The following MID1IP1 variants were observed in gnomAD, a reference collection of about 807,000 sequenced individuals.
The protein encoded by MID1IP1 is mid1-interacting protein 1.
A neutral mutation model predicts 6.8 loss-of-function variants in MID1IP1; 3 were observed. The observed-to-expected ratio is 0.44, with a 90% CI of 0.20 to 1.14. MID1IP1 has a LOEUF of 1.14. Ranked by LOEUF, MID1IP1 falls within the 50% of genes most tolerant of loss-of-function variation. The pLI, the probability that MID1IP1 is intolerant of heterozygous loss-of-function variation, is 0.26. For missense variants in MID1IP1, 127 were observed against 158.4 expected (o/e 0.80, Z 1.06); for synonymous variants, 87 against 70.4 (o/e 1.24, Z -1.18).
rs775387928 is a variant in MID1IP1, at chrX:38,804,908, G to C, written c.-39G>C. 18 of 1,149,045 alleles carry C rather than the reference G, an allele frequency of 1.6e-5. No individual in the cohort carries two copies. The highest frequency in any genetic ancestry group is 1.2e-6 in the Non-Finnish European group (1 of 860,619). 94.7% of individuals were successfully genotyped at this position (1,149,045 alleles called of 1,213,427 possible). The stretch of plus-strand genomic sequence containing the variant: ...CCTTGACCCGGCCGACCATCCCCGT[G>C]CCCCTGCGTCCCTGCGCTCCAACGT... On this transcript the variant is annotated 5_prime_UTR_variant, in exon 3 of 3. Transcript: ENST00000614558.
Position 38,804,687 on chromosome X carries a change from G to A in MID1IP1, c.-260G>A. On this transcript the variant is annotated 5_prime_UTR_variant, in exon 3 of 3. Transcript: ENST00000614558. ...TCGTCTCCGTGTATCAAACAGGCCA[G>A]GGCTCGACCCACAGAGCACCCTCAG... is the stretch of plus-strand genomic sequence containing the variant. 2 of 371,149 alleles carry A rather than the reference G, an allele frequency of 5.4e-6. No homozygotes were observed. The highest frequency in any genetic ancestry group is 9.4e-6 in the Non-Finnish European group (2 of 212,662). 30.6% of individuals were successfully genotyped at this position (371,149 alleles called of 1,213,427 possible). A position where few individuals can be genotyped will look rare whatever the true frequency, so the allele number is the denominator to read the frequency against.
At position 38,803,536 on chromosome X, in the gene MID1IP1, T is replaced by A. The variant is rs1463194225; in HGVS notation, c.-1142T>A. 1.8e-5 allele frequency: 2 copies of A among 112,527 alleles called. No homozygotes were observed. Among genetic ancestry groups the A allele is most frequent in the Non-Finnish European group, 3.8e-5 (2 of 53,260 alleles). The allele number at this position is 112,527 out of a possible 1,213,427, so 9.3% of individuals were successfully genotyped here. A position where few individuals can be genotyped will look rare whatever the true frequency, so the allele number is the denominator to read the frequency against. ...CAGCAGATCTGATAGTGTGCCCCTC[T>A]TCATCCCCGGCAACCACTGTTAAAG... On this transcript the variant is annotated 5_prime_UTR_variant, in exon 2 of 3. Coordinates refer to ENST00000614558, the MANE Select transcript of MID1IP1 (RefSeq NM_021242.6).
Position 38,805,547 on chromosome X carries a change from T to A in MID1IP1, c.*49T>A. 2.0e-6 allele frequency: 2 copies of A among 994,256 alleles called. No individual in the cohort carries two copies. The highest frequency in any genetic ancestry group is 2.8e-6 in the Non-Finnish European group (2 of 726,511). 81.9% of individuals were successfully genotyped at this position (994,256 alleles called of 1,213,427 possible). A position where few individuals can be genotyped will look rare whatever the true frequency, so the allele number is the denominator to read the frequency against. On this transcript the variant is annotated 3_prime_UTR_variant, in exon 3 of 3. Coordinates refer to ENST00000614558, the MANE Select transcript of MID1IP1 (RefSeq NM_021242.6). Reference sequence around the variant, plus strand: ...GCACCTTCTTCGACCCATCTCACCCTCTCTCATTCCTCAAAGCTTTTTTTT... The same window carrying A: ...GCACCTTCTTCGACCCATCTCACCCACTCTCATTCCTCAAAGCTTTTTTTT...
chrX:38,804,536 G>T (rs2070493662), intron 2 of MID1IP1, 123 bp downstream of exon 2: 1 of 129,593 alleles, frequency 7.7e-6, no homozygotes, highest in African/African-American at 3.1e-5. Context: ...TGGGCGAGGA[G>T]GTGGGACTGC....
chrX:38,804,866 CG>C lies in MID1IP1; in HGVS notation c.-80del. 1.9e-6 allele frequency: 2 copies of C among 1,034,237 alleles called. No individual in the cohort carries two copies. The highest frequency in any genetic ancestry group is 2.6e-6 in the Non-Finnish European group (2 of 771,797). 85.2% of individuals were successfully genotyped at this position (1,034,237 alleles called of 1,213,427 possible). A position where few individuals can be genotyped will look rare whatever the true frequency, so the allele number is the denominator to read the frequency against. ...CCCCCAGCGCGGGCCTTGGAGAGCG[CG>C]TGAAGGCGGGCATCCCCTTGACCCG... On this transcript the variant is annotated 5_prime_UTR_variant, in exon 3 of 3. Coordinates refer to ENST00000614558, the MANE Select transcript of MID1IP1 (RefSeq NM_021242.6).
Position 38,805,559 on chromosome X carries a change from C to G in MID1IP1, c.*61C>G. On this transcript the variant is annotated 3_prime_UTR_variant, in exon 3 of 3. Transcript: ENST00000614558. ...ACCCATCTCACCCTCTCTCATTCCT[C>G]AAAGCTTTTTTTTTTTTTCCTGGCT... 1 of 954,877 alleles carries G rather than the reference C, an allele frequency of 1.0e-6. No homozygotes were observed. The highest frequency in any genetic ancestry group is 1.4e-6 in the Non-Finnish European group (1 of 690,030). 78.7% of individuals were successfully genotyped at this position (954,877 alleles called of 1,213,427 possible). A position where few individuals can be genotyped will look rare whatever the true frequency, so the allele number is the denominator to read the frequency against.
chrX:38,805,824 A>C lies in MID1IP1; in HGVS notation c.*326A>C, dbSNP rs1388242604. ...GTTTCTTTTCTGTTCTTTTCGGAGG[A>C]GAGGGCCCGAGAAGGGGCCATACCA... is the stretch of plus-strand genomic sequence containing the variant. On this transcript the variant is annotated 3_prime_UTR_variant, in exon 3 of 3. Transcript: ENST00000614558. 3.9e-6 allele frequency: 1 copy of C among 256,074 alleles called. No individual in the cohort carries two copies. Among genetic ancestry groups the C allele is most frequent in the Non-Finnish European group, 7.2e-6 (1 of 139,443 alleles). The allele number at this position is 256,074 out of a possible 1,213,427, so 21.1% of individuals were successfully genotyped here.
rs954473663 is a variant in MID1IP1, at chrX:38,805,832, C to T, written c.*334C>T. 22 of 245,397 alleles carry T rather than the reference C, an allele frequency of 9.0e-5. No homozygotes were observed. The highest frequency in any genetic ancestry group is 1.3e-3 in the Middle Eastern group (1 of 758). 20.2% of individuals were successfully genotyped at this position (245,397 alleles called of 1,213,427 possible). A position where few individuals can be genotyped will look rare whatever the true frequency, so the allele number is the denominator to read the frequency against. Reference sequence around the variant, plus strand: ...TCTGTTCTTTTCGGAGGAGAGGGCCCGAGAAGGGGCCATACCAGGGCGCGG... The same window carrying T: ...TCTGTTCTTTTCGGAGGAGAGGGCCTGAGAAGGGGCCATACCAGGGCGCGG... On this transcript the variant is annotated 3_prime_UTR_variant, in exon 3 of 3. Coordinates refer to ENST00000614558, the MANE Select transcript of MID1IP1 (RefSeq NM_021242.6).
At position 38,804,746 on chromosome X, in the gene MID1IP1, A is replaced by T; in HGVS notation, c.-201A>T. 2.4e-6 allele frequency: 1 copy of T among 419,507 alleles called. No homozygotes were observed. The highest frequency in any genetic ancestry group is 4.0e-6 in the Non-Finnish European group (1 of 248,895). The allele number at this position is 419,507 out of a possible 1,213,427, so 34.6% of individuals were successfully genotyped here. ...AGTTTCCGGGCGCCAAAGCCAGGAG[A>T]AGCCGCCCATCCCGCAGGGCCGGTC... On this transcript the variant is annotated 5_prime_UTR_variant, in exon 3 of 3. Coordinates refer to ENST00000614558, the MANE Select transcript of MID1IP1 (RefSeq NM_021242.6).
rs765669513 is a variant in MID1IP1, at chrX:38,805,357, C to A, written c.411C>A (p.Asp137Glu). Residue 137 changes from aspartate to glutamate, a missense_variant, in exon 3 of 3, where the codon GAC becomes GAA. Asp to Glu is a conservative substitution (Grantham distance 45, BLOSUM62 2). Coordinates refer to ENST00000614558, the MANE Select transcript of MID1IP1 (RefSeq NM_021242.6). Reference sequence around the variant, plus strand: ...ACCTGGGCCACTTGGAGGGTGCGGACGCCGGCGAAGAAGACCTGGAACAGC... The same window carrying A: ...ACCTGGGCCACTTGGAGGGTGCGGAAGCCGGCGAAGAAGACCTGGAACAGC... ...LVDLGHLEGA[D>E]AGEEDLEQQF... 2.5e-6 allele frequency: 3 copies of A among 1,208,735 alleles called. No homozygotes were observed. In the East Asian group the frequency reaches 8.9e-5, roughly 36 times the overall value.
chrX:38,803,187 G>A lies in MID1IP1; in HGVS notation c.-1491G>A, dbSNP rs751410466. 9 of 112,990 alleles carry A rather than the reference G, an allele frequency of 8.0e-5. No homozygotes were observed. The highest frequency in any genetic ancestry group is 5.6e-4 in the Admixed American group (6 of 10,804). 9.3% of individuals were successfully genotyped at this position (112,990 alleles called of 1,213,427 possible). On this transcript the variant is annotated 5_prime_UTR_variant, in exon 2 of 3. In the 5' UTR this introduces an upstream ATG that the reference lacks. Coordinates refer to ENST00000614558, the MANE Select transcript of MID1IP1 (RefSeq NM_021242.6). ...TAGGCTGTGGTTTGGAAGTCTCAAA[G>A]TGAAATTCAAGGTGCAAGGCTCTTA...
In MID1IP1 at chrX:38,804,789, T is replaced by G; in HGVS notation, c.-158T>G. 1.9e-6 allele frequency: 1 copy of G among 529,769 alleles called. No individual in the cohort carries two copies. The highest frequency in any genetic ancestry group is 2.9e-6 in the Non-Finnish European group (1 of 349,983). 43.7% of individuals were successfully genotyped at this position (529,769 alleles called of 1,213,427 possible). A position where few individuals can be genotyped will look rare whatever the true frequency, so the allele number is the denominator to read the frequency against. ...GGCCGGTCTGCCAGCGAGACGAGAG[T>G]TGGCGAGGGCGGAGGAGTGCCGGGA... On this transcript the variant is annotated 5_prime_UTR_variant, in exon 3 of 3. Coordinates refer to ENST00000614558, the MANE Select transcript of MID1IP1 (RefSeq NM_021242.6).
In MID1IP1 at chrX:38,805,321, C is replaced by T. The variant is rs762482591; in HGVS notation, c.375C>T (p.Asp125=). The T allele has an allele frequency of 8.3e-7, 1 of 1,208,724 alleles. No homozygotes were observed. Among genetic ancestry groups the T allele is most frequent in the Admixed American group, 2.2e-5 (1 of 45,831 alleles). ...SEEGSAWKSK[D]ILVDLGHLEG... is the part of the protein sequence containing the mutation. ...AGGGCAGTGCCTGGAAGTCCAAGGA[C>T]ATCCTGGTGGACCTGGGCCACTTGG... The change falls in exon 3 of 3, where the codon GAC becomes GAT. Residue 125 remains aspartate (D), a synonymous_variant. Coordinates refer to ENST00000614558, the MANE Select transcript of MID1IP1 (RefSeq NM_021242.6).
chrX:38,804,107 G>T lies in MID1IP1; in HGVS notation c.-571G>T, dbSNP rs1254099301. On this transcript the variant is annotated 5_prime_UTR_variant, in exon 2 of 3. Coordinates refer to ENST00000614558, the MANE Select transcript of MID1IP1 (RefSeq NM_021242.6). ...TCAGGCGAGAGGCGGAGCTGGCCCG[G>T]CGCGCCCCGCCCCCGCTGTAGAAAG... 8.8e-6 allele frequency: 1 copy of T among 113,341 alleles called. No homozygotes were observed. Among genetic ancestry groups the T allele is most frequent in the Non-Finnish European group, 1.9e-5 (1 of 53,666 alleles). The allele number at this position is 113,341 out of a possible 1,213,427, so 9.3% of individuals were successfully genotyped here.
Position 38,805,652 on chromosome X carries a change from T to A in MID1IP1, c.*154T>A. 1 of 493,810 alleles carries A rather than the reference T, an allele frequency of 2.0e-6. No homozygotes were observed. The highest frequency in any genetic ancestry group is 3.3e-6 in the Non-Finnish European group (1 of 301,731). The allele number at this position is 493,810 out of a possible 1,213,427, so 40.7% of individuals were successfully genotyped here. Reference sequence around the variant, plus strand: ...GTGCAGGAGGCGCGGTGGGGCTGCGTGGAGGAGGGGGCCACGTGTGAGAGA... The same window carrying A: ...GTGCAGGAGGCGCGGTGGGGCTGCGAGGAGGAGGGGGCCACGTGTGAGAGA... On this transcript the variant is annotated 3_prime_UTR_variant, in exon 3 of 3. Coordinates refer to ENST00000614558, the MANE Select transcript of MID1IP1 (RefSeq NM_021242.6).
rs1170481880 is a variant in MID1IP1 at position 38,805,094 on chromosome X, A to G, written c.148A>G (p.Asn50Asp). 5 of 1,209,950 alleles carry G rather than the reference A, an allele frequency of 4.1e-6. No homozygotes were observed. The highest frequency in any genetic ancestry group is 5.6e-6 in the Non-Finnish European group (5 of 894,920). Residue 50 changes from asparagine to aspartate, a missense_variant, in exon 3 of 3, where the codon AAC becomes GAC. By Grantham distance (23) the Asn-to-Asp change is conservative. Transcript: ENST00000614558. ...GCCCCTGGCTGACCCCGGGTTAGACAACGATGTTGGCGTGGAGGTAGGCGG... is the reference window on the plus strand; with the variant it reads ...GCCCCTGGCTGACCCCGGGTTAGACGACGATGTTGGCGTGGAGGTAGGCGG... ...DVPLADPGLD[N>D]DVGVEVGGSG...
rs995861040 is a variant in MID1IP1, at chrX:38,805,811, T to C, written c.*313T>C. On this transcript the variant is annotated 3_prime_UTR_variant, in exon 3 of 3. Coordinates refer to ENST00000614558, the MANE Select transcript of MID1IP1 (RefSeq NM_021242.6). ...TGCCTTTCCTGGGGTTTCTTTTCTG[T>C]TCTTTTCGGAGGAGAGGGCCCGAGA... 1.1e-4 allele frequency: 32 copies of C among 292,198 alleles called. No individual in the cohort carries two copies. The highest frequency in any genetic ancestry group is 8.4e-4 in the African/African-American group (30 of 35,890). 24.1% of individuals were successfully genotyped at this position (292,198 alleles called of 1,213,427 possible).
At position 38,806,383 on chromosome X, in the gene MID1IP1, A is replaced by C. The variant is rs1237300132; in HGVS notation, c.*885A>C. 1 of 123,593 alleles carries C rather than the reference A, an allele frequency of 8.1e-6. No homozygotes were observed. The highest frequency in any genetic ancestry group is 1.9e-5 in the Non-Finnish European group (1 of 53,326). 10.2% of individuals were successfully genotyped at this position (123,593 alleles called of 1,213,427 possible). A position where few individuals can be genotyped will look rare whatever the true frequency, so the allele number is the denominator to read the frequency against. ...TGTTGTATGTCTTAAATTTATTTAA[A>C]ACTTTTTTTAATCCAGATGTAGACT... On this transcript the variant is annotated 3_prime_UTR_variant, in exon 3 of 3. Transcript: ENST00000614558.
In MID1IP1 at chrX:38,804,694, AC is replaced by A. The variant is rs2070496217; in HGVS notation, c.-250del. ...CGTGTATCAAACAGGCCAGGGCTCGACCCACAGAGCACCCTCAGCCATCGCG... is the reference window on the plus strand; with the variant it reads ...CGTGTATCAAACAGGCCAGGGCTCGACCACAGAGCACCCTCAGCCATCGCG... On this transcript the variant is annotated 5_prime_UTR_variant, in exon 3 of 3. Coordinates refer to ENST00000614558, the MANE Select transcript of MID1IP1 (RefSeq NM_021242.6). 1 of 378,582 alleles carries A rather than the reference AC, an allele frequency of 2.6e-6. No homozygotes were observed. The allele number at this position is 378,582 out of a possible 1,213,427, so 31.2% of individuals were successfully genotyped here.
Sources: gnomAD v4.1 joint callset for allele counts on GRCh38, gnomAD v4.1.1 for gene constraint, MANE v1.5 for transcripts, NCBI Gene and HGNC (gene_info 2026-07-23, HGNC 2026-07-21) for gene names.